PDE4D: variants seen among roughly 807,000 people sequenced by gnomAD.
The protein encoded by PDE4D is phosphodiesterase 4D.
A neutral mutation model predicts 87.4 loss-of-function variants in PDE4D; 24 were observed. The observed-to-expected ratio is 0.27, with a 90% CI of 0.20 to 0.39. The LOEUF (loss-of-function observed/expected upper bound fraction) is 0.39. Ranked by LOEUF, PDE4D falls within the 10% of genes least tolerant of loss-of-function variation. The probability of loss-of-function intolerance (pLI) is 1.00; values close to 1 mark genes in which losing one functional copy is unlikely to be tolerated. For missense variants in PDE4D, 714 were observed against 1,041.0 expected, an observed-to-expected ratio of 0.69 and a Z score of 4.32; for synonymous variants, 384 against 383.2, an observed-to-expected ratio of 1.00 and a Z score of -0.02.
At chr5:59,281,685 G>A (rs942685859) in intron 1 of PDE4D, among the ~76,000 whole-genome samples, 7 of 151,816 alleles carry the variant, frequency 4.6e-5, no homozygotes, top group Non-Finnish European at 8.8e-5. Flanking sequence ...CTTCCAAATC[G>A]ACAACCCTGT....
intron 1 of PDE4D, among the ~76,000 whole-genome samples, chr5:59,271,403 T>C (rs550397916): frequency 4.6e-5 from 7 of 152,280 alleles, no homozygotes; most frequent in African/African-American, 1.4e-4. Flanking sequence ...TTTACAGCTA[T>C]TTAAGATATG....
intron 2 of PDE4D, among the ~76,000 whole-genome samples, chr5:60,111,364 T>C (rs1244237416): frequency 6.6e-6 from 1 of 152,036 alleles, no homozygotes; most frequent in African/African-American, 2.4e-5. Flanking sequence ...AACAATAATA[T>C]TAATGATACT....
chr5:60,322,367 T>TACACAC lies in PDE4D; in HGVS notation c.-89-136686_-89-136681dup, dbSNP rs60232413. ...AACATTGAATATATATGGACACACA[T>TACACAC]ACACACACACACACACACACACACA... On this transcript the variant is annotated intron_variant, in intron 1 of 16. Coordinates refer to the PDE4D transcript ENST00000502484. Among the ~76,000 whole-genome samples, 817 of 132,782 alleles carry TACACAC rather than the reference T, an allele frequency of 6.2e-3. 9 individuals carry two copies. The highest frequency in any genetic ancestry group is 0.011 in the Admixed American group (139 of 13,062). 87.1% of individuals were successfully genotyped at this position (132,782 alleles called of 152,430 possible). A position where few individuals can be genotyped will look rare whatever the true frequency, so the allele number is the denominator to read the frequency against.
intron 1 of PDE4D, among the ~76,000 whole-genome samples, chr5:59,333,465 T>C (rs1056411671): frequency 6.6e-6 from 1 of 152,188 alleles, no homozygotes; most frequent in Non-Finnish European, 1.5e-5. Flanking sequence ...TAGGATGGCA[T>C]AGCATGTCAA....
chr5:60,418,225 C>A (rs1022771472), intron 1 of PDE4D, among the ~76,000 whole-genome samples: 3 of 152,084 alleles, frequency 2.0e-5, no homozygotes, highest in African/African-American at 7.2e-5. Flanking sequence ...GGACATGATT[C>A]CATACAGAAT....
chr5:59,685,440 A>G (rs1749696846), intron 1 of PDE4D, among the ~76,000 whole-genome samples: 2 of 152,206 alleles, frequency 1.3e-5, no homozygotes, highest in Admixed American at 6.5e-5. Context: ...ATGGTCTTGC[A>G]GGGCCATTTG....
At chr5:60,104,797 AGGGT>A (rs1776684263) in intron 2 of PDE4D, among the ~76,000 whole-genome samples, 1 of 152,248 alleles carries the variant, frequency 6.6e-6, no homozygotes, top group Non-Finnish European at 1.5e-5. Context: ...CCTGCAGCTG[AGGGT>A]CCTGTCTCTT....
In PDE4D at chr5:59,423,036, GAAAT is replaced by G. The variant is rs1263548922; in HGVS notation, c.456-207072_456-207069del. Among the ~76,000 whole-genome samples the G allele has an allele frequency of 5.9e-5, 9 of 152,244 alleles. No individual in the cohort carries two copies. In the East Asian group the frequency reaches 1.5e-3, roughly 26 times the overall value. ...ATAATCACTTGTTTCTCTCCAAAAT[GAAAT>G]AAAGAATTATTGGGTTAATTAGCAT... On this transcript the variant is annotated intron_variant, in intron 1 of 14. Transcript: ENST00000340635.
chr5:60,311,531 C>A (rs1368746447), intron 1 of PDE4D, among the ~76,000 whole-genome samples: 1 of 152,190 alleles, frequency 6.6e-6, no homozygotes, highest in Non-Finnish European at 1.5e-5. Flanking sequence ...GAATTCATTA[C>A]CACCAGACCT....
chr5:59,760,528 A>G (rs1761839881), intron 1 of PDE4D, among the ~76,000 whole-genome samples: 1 of 152,150 alleles, frequency 6.6e-6, no homozygotes. Flanking sequence ...ACGCTGGAAC[A>G]TTTTCCTCCA....
At chr5:60,248,047 T>C (rs947145422) in intron 1 of PDE4D, among the ~76,000 whole-genome samples, 8 of 152,022 alleles carry the variant, frequency 5.3e-5, no homozygotes, top group Non-Finnish European at 1.5e-5. Context: ...AGCAATTTCA[T>C]ATGGTTCAAC....
chr5:60,223,597 A>G (rs536528660), intron 1 of PDE4D, among the ~76,000 whole-genome samples: 1 of 152,118 alleles, frequency 6.6e-6, no homozygotes, highest in Non-Finnish European at 1.5e-5. Flanking sequence ...GCATGAGTAC[A>G]TACTGGAGCA....
intron 6 of PDE4D, among the ~76,000 whole-genome samples, chr5:58,997,764 G>T (rs927122697): frequency 1.3e-5 from 2 of 151,978 alleles, no homozygotes; most frequent in African/African-American, 2.4e-5. Context: ...AAGGCATAAA[G>T]GAAAGTAAAA....
chr5:60,105,131 G>T (rs977294343), intron 2 of PDE4D, among the ~76,000 whole-genome samples: 2 of 152,150 alleles, frequency 1.3e-5, no homozygotes, highest in Non-Finnish European at 2.9e-5. Context: ...TTAGACGAAC[G>T]TATAGCTAGA....
At chr5:60,318,677 C>T (rs189751518) in intron 1 of PDE4D, among the ~76,000 whole-genome samples, 4 of 151,974 alleles carry the variant, frequency 2.6e-5, no homozygotes, top group African/African-American at 4.8e-5. Flanking sequence ...TAGGGCAGCC[C>T]TGGTGGTGAC....
chr5:59,014,745 A>G (rs1753616161), intron 6 of PDE4D, among the ~76,000 whole-genome samples: 4 of 152,218 alleles, frequency 2.6e-5, no homozygotes. Flanking sequence ...TCTACCAATG[A>G]CTTTCTTCAC....
chr5:59,300,577 A>G (rs1416311673), intron 1 of PDE4D, among the ~76,000 whole-genome samples: 3 of 152,208 alleles, frequency 2.0e-5, no homozygotes, highest in South Asian at 4.1e-4. Context: ...TCTAGGAGCT[A>G]TAGGGTGTAG....
At chr5:59,436,872 A>G (rs967233730) in intron 1 of PDE4D, among the ~76,000 whole-genome samples, 2 of 152,214 alleles carry the variant, frequency 1.3e-5, no homozygotes, top group African/African-American at 2.4e-5. Flanking sequence ...AACCTACTTA[A>G]GTAAAGGAGA....
chr5:59,690,963 G>A (rs573801918), intron 1 of PDE4D, among the ~76,000 whole-genome samples: 4 of 152,284 alleles, frequency 2.6e-5, no homozygotes, highest in African/African-American at 9.6e-5. Context: ...ACAGACACAT[G>A]AAAAAATGCT....
Sources: gnomAD v4.1 joint callset for allele counts (sites outside exome capture counted in the v4.1 genomes callset) on GRCh38, gnomAD v4.1.1 for gene constraint, MANE v1.5 for transcripts, NCBI Gene and HGNC (gene_info 2026-07-23, HGNC 2026-07-21) for gene names.